Variants in PRKCD observed in about 807,000 individuals in gnomAD.
The protein encoded by PRKCD is protein kinase C delta type.
In PRKCD, 20 loss-of-function variants were observed where a neutral mutation model predicts 82.2. The ratio of observed to expected loss-of-function variants is 0.24; its 90% CI spans 0.17 to 0.35. The LOEUF (loss-of-function observed/expected upper bound fraction) is 0.35. PRKCD is among the 10% of genes least tolerant of loss of function. PRKCD has a pLI of 1.00. For missense variants in PRKCD, 607 were observed against 899.0 expected (o/e 0.68, Z 4.15); for synonymous variants, 317 against 337.0 (o/e 0.94, Z 0.65).
In PRKCD at chr3:53,189,252, G is replaced by A; in HGVS notation, c.1743+6G>A. 6.2e-7 allele frequency: 1 copy of A among 1,600,670 alleles called. No individual in the cohort carries two copies. The highest frequency in any genetic ancestry group is 8.5e-7 in the Non-Finnish European group (1 of 1,174,046). On this transcript the variant is annotated splice_donor_region_variant and intron_variant, in intron 17 of 18. Transcript: ENST00000330452. ...CCAAGGACATCCTGGAGAAGGTGGA[G>A]GCCCTGGGCTGGGCTGGGCTGGTCT...
intron 18 of PRKCD, among the ~76,000 whole-genome samples, chr3:53,190,466 G>A (rs1299829904): frequency 3.3e-5 from 5 of 152,126 alleles, no homozygotes; most frequent in Non-Finnish European, 5.9e-5. Flanking sequence ...CACATGATCC[G>A]TTGCTATTGA....
In PRKCD at chr3:53,185,639, G is replaced by T. The variant is rs1703647726; in HGVS notation, c.924G>T (p.Glu308Asp). 1 of 1,613,332 alleles carries T rather than the reference G, an allele frequency of 6.2e-7. No homozygotes were observed. The change falls in exon 11 of 19, where the codon GAG becomes GAT. Residue 308 changes from glutamate to aspartate, a missense_variant. Transcript: ENST00000330452. The part of the protein sequence containing the change: ...ASRRSDSASS[E>D]PVGIYQGFEK... ...GGAGATCAGACTCAGCCTCCTCAGA[G>T]CCTGTTGGGATATATCAGGGTTTCG...
intron 5 of PRKCD, 81 bp downstream of exon 5, chr3:53,181,348 C>T (rs1466071015): frequency 1.2e-6 from 2 of 1,607,782 alleles, no homozygotes; most frequent in Non-Finnish European, 1.7e-6. Flanking sequence ...AAGCTGCTCC[C>T]TTCGGCAGAG....
chr3:53,168,062 C>G (rs1702890946), intron 2 of PRKCD, among the ~76,000 whole-genome samples: 1 of 152,272 alleles, frequency 6.6e-6, no homozygotes, highest in Admixed American at 6.5e-5. Context: ...CCCCTCAGGG[C>G]TCCCCTTGGC....
rs782324280 is a variant in PRKCD, at chr3:53,178,422, C to G, written c.-1C>G. ...TGCACAGCCCCACTGCAGGCCCCAC[C>G]ATGGCGCCGTTCCTGCGCATCGCCT... is the stretch of plus-strand genomic sequence containing the variant. On this transcript the variant is annotated 5_prime_UTR_variant, in exon 3 of 19. Transcript: ENST00000330452. 7 of 1,610,352 alleles carry G rather than the reference C, an allele frequency of 4.3e-6. No individual in the cohort carries two copies. The highest frequency in any genetic ancestry group is 5.9e-6 in the Non-Finnish European group (7 of 1,179,022).
rs1295472975 is a variant in PRKCD, at chr3:53,169,707, C to G, written c.-20+4492C>G. On this transcript the variant is annotated intron_variant, in intron 2 of 18. Coordinates refer to ENST00000330452, the MANE Select transcript of PRKCD (RefSeq NM_006254.4). This position sits in a 1 kb window ranked among gnomAD's most constrained non-coding sequence, Gnocchi z 4.7. ...AGGGAGGCTGGAGCCCCGGGAGGGGCAGTAGCTGGCCAGCCTCTGCCAGTG... is the reference window on the plus strand; with the variant it reads ...AGGGAGGCTGGAGCCCCGGGAGGGGGAGTAGCTGGCCAGCCTCTGCCAGTG... Among the ~76,000 whole-genome samples the G allele has an allele frequency of 2.6e-5, 4 of 152,178 alleles. No homozygotes were observed. The highest frequency in any genetic ancestry group is 6.5e-5 in the Admixed American group (1 of 15,282).
chr3:53,181,918 T>C, intron 7 of PRKCD, 186 bp downstream of exon 7: 1 of 851,016 alleles, frequency 1.2e-6, no homozygotes, highest in Admixed American at 2.0e-5. Context: ...GGAAAACCAG[T>C]TCTGCGCATC....
chr3:53,183,019 T>C, intron 7 of PRKCD, 102 bp from the exon 8 acceptor site: 3 of 1,184,996 alleles, frequency 2.5e-6, no homozygotes, highest in Non-Finnish European at 2.5e-6. Context: ...AGGAGAACGG[T>C]GGCTTTGTGT....
intron 1 of PRKCD, among the ~76,000 whole-genome samples, chr3:53,163,250 G>A (rs1702733964): frequency 6.6e-6 from 1 of 152,060 alleles, no homozygotes; most frequent in Admixed American, 6.6e-5. Context: ...AACTGCCGGT[G>A]TATGCTTGGG....
At chr3:53,191,519 A>T (rs1309900385) in intron 18 of PRKCD, among the ~76,000 whole-genome samples, 1 of 152,264 alleles carries the variant, frequency 6.6e-6, no homozygotes, top group Non-Finnish European at 1.5e-5. Flanking sequence ...CTGAAGGGCC[A>T]CCAGCTTGCG....
intron 4 of PRKCD, among the ~76,000 whole-genome samples, chr3:53,180,215 G>T (rs1553667086): frequency 8.5e-6 from 1 of 117,638 alleles, no homozygotes; most frequent in African/African-American, 2.6e-5. Flanking sequence ...GCATGAAAGG[G>T]TGTGTCCCTG....
Position 53,181,747 on chromosome 3 carries a change from A to G in PRKCD, c.571+15A>G, listed in dbSNP as rs781967950. 2 of 1,614,060 alleles carry G rather than the reference A, an allele frequency of 1.2e-6. No individual in the cohort carries two copies. The highest frequency in any genetic ancestry group is 2.2e-5 in the South Asian group (2 of 91,080). On this transcript the variant is annotated intron_variant, in intron 7 of 18. Transcript: ENST00000330452. The stretch of plus-strand genomic sequence containing the variant: ...CAAATGCAGGCGTAAGTGTCTCCAC[A>G]GGCCAGTTTGTACGTATGTACCCAT...
chr3:53,189,349 C>CACCA, intron 17 of PRKCD, 103 bp downstream of exon 17: 3 of 1,250,090 alleles, frequency 2.4e-6, no homozygotes, highest in Non-Finnish European at 3.3e-6. Flanking sequence ...GGAATGGCAG[C>CACCA]CTCAGTGGTG....
intron 2 of PRKCD, among the ~76,000 whole-genome samples, chr3:53,171,228 C>T (rs1165246337): frequency 6.6e-6 from 1 of 152,164 alleles, no homozygotes; most frequent in African/African-American, 2.4e-5. Flanking sequence ...CCTGGGGCAC[C>T]GCCCTCTGAC....
intron 2 of PRKCD, 133 bp from the exon 3 acceptor site, chr3:53,178,271 T>G: frequency 1.8e-6 from 1 of 557,028 alleles, no homozygotes; most frequent in South Asian, 2.1e-5. Context: ...CAACTGAGAC[T>G]AGTGTGTGTG....
chr3:53,173,707 T>A (rs536240859), intron 2 of PRKCD: 1 of 152,318 alleles, frequency 6.6e-6, no homozygotes, highest in East Asian at 1.9e-4. Context: ...CTTGAACTCC[T>A]GACCTCAGGT....
At chr3:53,182,282 T>A (rs575920578) in intron 7 of PRKCD, among the ~76,000 whole-genome samples, 3 of 152,258 alleles carry the variant, frequency 2.0e-5, no homozygotes, top group African/African-American at 7.2e-5. Context: ...AATTTTTTTT[T>A]TTTTGAGACT....
chr3:53,183,486 ACCGCTT>A lies in PRKCD; in HGVS notation c.694_699del (p.Arg232_Phe233del). Reference sequence around the variant, plus strand: ...GAACGCTTCAACATCGACATGCCGCACCGCTTCAAGGTTCACAACTACATGAGCCCC... The same window carrying A: ...GAACGCTTCAACATCGACATGCCGCACAAGGTTCACAACTACATGAGCCCC... On this transcript the variant is annotated inframe_deletion, in exon 9 of 19. Coordinates refer to ENST00000330452, the MANE Select transcript of PRKCD (RefSeq NM_006254.4). 6.2e-7 allele frequency: 1 copy of A among 1,614,150 alleles called. No homozygotes were observed. The highest frequency in any genetic ancestry group is 8.5e-7 in the Non-Finnish European group (1 of 1,180,008).
In PRKCD at chr3:53,188,710, C is replaced by G. The variant is rs1553669968; in HGVS notation, c.1416-10C>G. On this transcript the variant is annotated splice_polypyrimidine_tract_variant and intron_variant, in intron 15 of 18. Transcript: ENST00000330452. The stretch of plus-strand genomic sequence containing the variant: ...TCCCCTGCTGACTCTTACCTGTCCC[C>G]TGTCCTTAGGGACCTCAAACTGGAC... 6.2e-7 allele frequency: 1 copy of G among 1,614,154 alleles called. No individual in the cohort carries two copies. Among genetic ancestry groups the G allele is most frequent in the South Asian group, 1.1e-5 (1 of 91,080 alleles).
Sources: allele counts gnomAD v4.1 joint callset (sites outside exome capture counted in the v4.1 genomes callset), GRCh38; gene constraint gnomAD v4.1.1; non-coding constraint Gnocchi (gnomAD v3.1); transcripts MANE v1.5; gene names NCBI Gene and HGNC (gene_info 2026-07-23, HGNC 2026-07-21).